The following ARSD variants were observed in gnomAD, a reference collection of about 807,000 sequenced individuals.
ARSD encodes testis tissue sperm-binding protein Li 39a.
In ARSD, 21 loss-of-function variants were observed where a neutral mutation model predicts 32.6. That is an observed-to-expected ratio of 0.64 (90% CI 0.46 to 0.93). ARSD has a LOEUF of 0.93. ARSD is among the 40% of genes least tolerant of loss of function. ARSD has a pLI of 0.00. For missense variants in ARSD, 454 were observed against 520.9 expected, an observed-to-expected ratio of 0.87 and a Z score of 1.25; for synonymous variants, 224 against 237.4, an observed-to-expected ratio of 0.94 and a Z score of 0.52.
chrX:2,918,357 G>T (rs1437962263), intron 4 of ARSD, 130 bp from the exon 5 acceptor site: 2 of 610,187 alleles, frequency 3.3e-6, no homozygotes, highest in Admixed American at 4.0e-5. Flanking sequence ...AAATGGAAAG[G>T]CAATGAATGG....
At chrX:2,926,472 C>A (rs1346305936) in intron 1 of ARSD, among the ~76,000 whole-genome samples, 1 of 112,078 alleles carries the variant, frequency 8.9e-6, no homozygotes, top group African/African-American at 3.2e-5. Context: ...TACATCCCAG[C>A]CTGTGCATAA....
chrX:2,921,073 T>C (rs541015199), intron 3 of ARSD, among the ~76,000 whole-genome samples: 1 of 111,117 alleles, frequency 9.0e-6, no homozygotes, highest in Non-Finnish European at 1.9e-5. Flanking sequence ...AGACCCTACA[T>C]ACAGTGCACA....
At chrX:2,929,131 G>T in intron 1 of ARSD, 101 bp downstream of exon 1, 1 of 819,581 alleles carries the variant, frequency 1.2e-6, no homozygotes, top group Non-Finnish European at 1.6e-6. Context: ...CCTTTACAGG[G>T]GCCCAGGCTC....
rs2088860625 is a variant in ARSD at position 2,907,431 on chromosome X, A to G, written c.1622T>C (p.Ile541Thr). Residue 541 changes from isoleucine (I) to threonine (T), a missense_variant, in exon 10 of 10, where the codon ATA becomes ACA. Physicochemically the swap from Ile to Thr is moderately conservative, Grantham distance 89. Transcript: ENST00000381154. ...PDSEPLYHAV[I>T]ARVGAAVSEH... ...CGACACCGCGGCACCTACCCTTGCT[A>G]TCACGGCGTGGTACAGGGGCTCGGA... 1 of 1,211,695 alleles carries G rather than the reference A, an allele frequency of 8.3e-7. No homozygotes were observed. The highest frequency in any genetic ancestry group is 1.1e-6 in the Non-Finnish European group (1 of 895,401).
Position 2,918,619 on chromosome X carries a change from A to G in ARSD, c.440-392T>C, listed in dbSNP as rs188168701. ...TACAATACAGGTGGCGGGCGCCTGTAGTCCCAGCTACTCGGGAGGCTGAGG... is the reference window on the plus strand; with the variant it reads ...TACAATACAGGTGGCGGGCGCCTGTGGTCCCAGCTACTCGGGAGGCTGAGG... On this transcript the variant is annotated intron_variant, in intron 4 of 9. Coordinates refer to ENST00000381154, the MANE Select transcript of ARSD (RefSeq NM_001669.4). Among the ~76,000 whole-genome samples the G allele has an allele frequency of 7.9e-3, 882 of 111,314 alleles. 7 individuals are homozygous for G. The highest frequency in any genetic ancestry group is 0.027 in the African/African-American group (825 of 30,657).
Position 2,925,721 on chromosome X carries a change from G to A in ARSD, c.89C>T (p.Thr30Met), listed in dbSNP as rs759116005. The A allele has an allele frequency of 2.2e-5, 26 of 1,208,746 alleles. No individual in the cohort carries two copies. Among genetic ancestry groups the A allele is most frequent in the Non-Finnish European group, 2.8e-5 (25 of 894,523 alleles). ...GGCATTTGCAGTTTTAGGTTCACAC[G>A]TCTTCAGAAGCAAGCATAAAAACAG... ...VLLFLCLLLK[T>M]CEPKTANAFK... The change falls in exon 2 of 10, where the codon ACG becomes ATG. Residue 30 changes from threonine (T) to methionine (M), a missense_variant. Physicochemically the swap from Thr to Met is moderately conservative, Grantham distance 81. Transcript: ENST00000381154.
chrX:2,918,070 C>G lies in ARSD; in HGVS notation c.597G>C (p.Gln199His). The change falls in exon 5 of 10, where the codon CAG becomes CAC. Residue 199 changes from glutamine (Q) to histidine (H), a missense_variant. Physicochemically the swap from Gln to His is conservative, Grantham distance 24. Coordinates refer to ENST00000381154, the MANE Select transcript of ARSD (RefSeq NM_001669.4). ...CCAGGAACTGGGTGTAACCCCAGAG[C>G]TGCGCCCTCAGGGCGGCGTCCACTT... ...PPEVDAALRA[Q>H]LWGYTQFLAL... 4 of 1,201,327 alleles carry G rather than the reference C, an allele frequency of 3.3e-6. No homozygotes were observed. Among genetic ancestry groups the G allele is most frequent in the Non-Finnish European group, 4.5e-6 (4 of 890,004 alleles).
At chrX:2,910,082 G>A (rs2088890080) in intron 7 of ARSD, 103 bp from the exon 8 acceptor site, 21 of 1,044,091 alleles carry the variant, frequency 2.0e-5, no homozygotes, top group South Asian at 1.2e-4. Context: ...ACAGCCACCC[G>A]GATGCACACA....
chrX:2,912,828 C>A (rs1446894202), intron 6 of ARSD, among the ~76,000 whole-genome samples: 1 of 111,863 alleles, frequency 8.9e-6, no homozygotes, highest in Non-Finnish European at 1.9e-5. Flanking sequence ...GCAGAGGACG[C>A]CCTGCAAACC....
intron 1 of ARSD, among the ~76,000 whole-genome samples, chrX:2,928,918 G>A (rs1569094403): frequency 2.7e-5 from 3 of 112,139 alleles, no homozygotes; most frequent in African/African-American, 3.2e-5. Context: ...GTCCCGGCCA[G>A]CCTTCCTCCG....
chrX:2,914,235 C>T (rs1603461100), intron 6 of ARSD: 2 of 597,345 alleles, frequency 3.3e-6, no homozygotes, highest in Non-Finnish European at 4.0e-6. Context: ...TCTTTTATTT[C>T]TTTTTTTTTT....
chrX:2,914,662 C>T, intron 6 of ARSD: 5 of 1,027,778 alleles, frequency 4.9e-6, no homozygotes, highest in Non-Finnish European at 6.4e-6. Context: ...CACTGGTCCT[C>T]TCCAGGGTTT....
chrX:2,910,715 T>C lies in ARSD; in HGVS notation c.1079A>G (p.His360Arg). 1.7e-6 allele frequency: 2 copies of C among 1,211,876 alleles called. No homozygotes were observed. Among genetic ancestry groups the C allele is most frequent in the Non-Finnish European group, 2.2e-6 (2 of 895,335 alleles). Reference protein sequence around the residue: ...FTYFTSDHGGHLEARDGHSQL... With the variant: ...FTYFTSDHGGRLEARDGHSQL... The stretch of plus-strand genomic sequence containing the variant: ...GCTGTGTCCATCTCTTGCCTCTAAA[T>C]GTCCTCCATGGTCAGAGGTGAAATA... Residue 360 changes from histidine (H) to arginine (R), a missense_variant, in exon 7 of 10, where the codon CAT becomes CGT. Physicochemically the swap from His to Arg is conservative, Grantham distance 29. Transcript: ENST00000381154.
intron 2 of ARSD, among the ~76,000 whole-genome samples, chrX:2,922,810 C>G (rs1295051906): frequency 1.1e-5 from 1 of 88,794 alleles, no homozygotes; most frequent in Admixed American, 1.5e-4. Flanking sequence ...TGCACTCCAG[C>G]CTGGGTGAAA....
At position 2,907,598 on chromosome X, in the gene ARSD, C is replaced by T. The variant is rs773843557; in HGVS notation, c.1455G>A (p.Pro485=). The T allele has an allele frequency of 1.9e-5, 21 of 1,117,183 alleles. No individual in the cohort carries two copies. The South Asian group carries it at 2.9e-4, about 16-fold the overall frequency. 92.1% of individuals were successfully genotyped at this position (1,117,183 alleles called of 1,213,427 possible). A position where few individuals can be genotyped will look rare whatever the true frequency, so the allele number is the denominator to read the frequency against. The change falls in exon 10 of 10, where the codon CCG becomes CCA. Residue 485 remains proline, a synonymous_variant. Transcript: ENST00000381154. ...CCCCCGCTCCCTCGGGGTGGAACTG[C>T]GGGGTCGTGTAATGAACCTTCCAGA... ...GSVWKVHYTT[P]QFHPEGAGAC...
intron 4 of ARSD, among the ~76,000 whole-genome samples, chrX:2,920,003 A>T (rs1208710263): frequency 9.0e-6 from 1 of 111,129 alleles, no homozygotes; most frequent in African/African-American, 3.3e-5. Flanking sequence ...CCTCCTAGCA[A>T]CTTCCTGAAC....
At chrX:2,926,708 T>C (rs1000145381) in intron 1 of ARSD, among the ~76,000 whole-genome samples, 1 of 112,551 alleles carries the variant, frequency 8.9e-6, no homozygotes, top group African/African-American at 3.2e-5. Context: ...AAGAAGAAGA[T>C]GTGTAGTTCA....
chrX:2,908,047 C>CCTATTTAT (rs1219763179), intron 9 of ARSD: 3 of 579,856 alleles, frequency 5.2e-6, no homozygotes, highest in African/African-American at 5.0e-5. Context: ...TCTATCGCTA[C>CCTATTTAT]CTATTTATCT....
chrX:2,911,591 A>G (rs1164949470), intron 6 of ARSD, among the ~76,000 whole-genome samples: 1 of 102,221 alleles, frequency 9.8e-6, no homozygotes, highest in Admixed American at 1.1e-4. Context: ...AATGGTGTGA[A>G]CCCAGGAGGC....
Sources: allele counts gnomAD v4.1 joint callset (sites outside exome capture counted in the v4.1 genomes callset), GRCh38; gene constraint gnomAD v4.1.1; transcripts MANE v1.5; gene names NCBI Gene and HGNC (gene_info 2026-07-23, HGNC 2026-07-21).